The following ATP8A2 variants were observed in gnomAD, a reference collection of about 807,000 sequenced individuals.
The protein encoded by ATP8A2 is phospholipid-transporting ATPase IB.
ATP8A2 carries 100 observed loss-of-function variants against 165.6 expected under a neutral mutation model. The observed-to-expected ratio is 0.60, with a 90% CI of 0.51 to 0.71. The LOEUF (loss-of-function observed/expected upper bound fraction) is 0.71. Ranked by LOEUF, ATP8A2 falls within the 30% of genes least tolerant of loss-of-function variation. The pLI is 0.00. For synonymous variants in ATP8A2, 543 were observed against 548.8 expected (o/e 0.99, Z 0.15); for missense variants, 1,227 against 1,479.5 (o/e 0.83, Z 2.80).
intron 33 of ATP8A2, chr13:25,927,014 G>C (rs146921497): frequency 2.5e-6 from 1 of 404,626 alleles, no homozygotes; most frequent in African/African-American, 2.0e-5. Context: ...TGTGCCTCCC[G>C]CTCCTTCTCC....
chr13:25,559,480 C>T (rs563744157), intron 14 of ATP8A2, among the ~76,000 whole-genome samples: 21 of 152,236 alleles, frequency 1.4e-4, no homozygotes, highest in South Asian at 4.1e-4. Flanking sequence ...TGCAGTGAGC[C>T]GGAATTGCTC....
intron 24 of ATP8A2, among the ~76,000 whole-genome samples, chr13:25,692,440 A>G (rs9581423): frequency 0.1 from 15,955 of 152,224 alleles, 966 homozygotes; most frequent in East Asian, 0.26. Context: ...GAGGGCTCCT[A>G]CCCGTGCAGA....
chr13:25,399,398 T>TTTTTG (rs1555264880), intron 1 of ATP8A2, among the ~76,000 whole-genome samples: 1 of 4,404 alleles, frequency 2.3e-4, no homozygotes, highest in Admixed American at 5.0e-3. Flanking sequence ...GTGGTTCTTC[T>TTTTTG]TTTTTTTTTT....
intron 25 of ATP8A2, among the ~76,000 whole-genome samples, chr13:25,738,669 A>G (rs756791606): frequency 4.6e-5 from 7 of 152,226 alleles, no homozygotes; most frequent in Non-Finnish European, 8.8e-5. Context: ...CTCAATTTAC[A>G]TATGTAAGAA....
chr13:25,429,588 G>A (rs902158416), intron 1 of ATP8A2, among the ~76,000 whole-genome samples: 3 of 152,082 alleles, frequency 2.0e-5, no homozygotes, highest in Non-Finnish European at 2.9e-5. Context: ...AAAGAAATGA[G>A]TCACCTTAAT....
At position 25,600,869 on chromosome 13, in the gene ATP8A2, A is replaced by G. The variant is rs75487646; in HGVS notation, c.2211+11170A>G. The stretch of plus-strand genomic sequence containing the variant: ...AAATAAATACCGAAGCCAGCAGATA[A>G]TATCTAGCACCAGCTCACCTGTAGG... On this transcript the variant is annotated intron_variant, in intron 24 of 36. Coordinates refer to ENST00000381655, the MANE Select transcript of ATP8A2 (RefSeq NM_016529.6). Among the ~76,000 whole-genome samples the G allele has an allele frequency of 6.2e-3, 947 of 152,310 alleles. 6 individuals are homozygous for G. Among genetic ancestry groups the G allele is most frequent in the African/African-American group, 0.021 (884 of 41,570 alleles).
chr13:25,760,148 G>A (rs1327988839), intron 25 of ATP8A2, among the ~76,000 whole-genome samples: 1 of 152,154 alleles, frequency 6.6e-6, no homozygotes, highest in Admixed American at 6.5e-5. Flanking sequence ...GTACAGGATC[G>A]AGTTTTAAGG....
intron 27 of ATP8A2, among the ~76,000 whole-genome samples, chr13:25,810,988 G>A (rs537427813): frequency 5.3e-5 from 8 of 151,672 alleles, no homozygotes; most frequent in South Asian, 2.1e-4. Flanking sequence ...TGTGAATTTT[G>A]TCCATGATGT....
At chr13:25,441,621 A>G (rs2034933855) in intron 1 of ATP8A2, among the ~76,000 whole-genome samples, 1 of 152,226 alleles carries the variant, frequency 6.6e-6, no homozygotes, top group Non-Finnish European at 1.5e-5. Context: ...TATACTTTTT[A>G]TAAACATTGT....
intron 33 of ATP8A2, among the ~76,000 whole-genome samples, chr13:25,940,744 C>G (rs995823250): frequency 2.0e-5 from 3 of 152,198 alleles, no homozygotes; most frequent in Admixed American, 2.0e-4. Flanking sequence ...CAGGTGCAGG[C>G]GGCCCTCCCC....
chr13:25,529,658 C>T (rs1176405716), intron 2 of ATP8A2, among the ~76,000 whole-genome samples: 1 of 152,128 alleles, frequency 6.6e-6, no homozygotes, highest in African/African-American at 2.4e-5. Flanking sequence ...GGTGGTTACC[C>T]AGAGGGGAAC....
At chr13:25,836,188 TTG>T (rs1406297571) in intron 28 of ATP8A2, among the ~76,000 whole-genome samples, 1 of 152,060 alleles carries the variant, frequency 6.6e-6, no homozygotes, top group African/African-American at 2.4e-5. Flanking sequence ...GTTTGTTTGT[TTG>T]TTTGTTTGTT....
intron 25 of ATP8A2, among the ~76,000 whole-genome samples, chr13:25,752,639 G>A (rs1440711594): frequency 6.6e-6 from 1 of 152,112 alleles, no homozygotes; most frequent in Admixed American, 6.5e-5. Flanking sequence ...TTTAGAGACA[G>A]GGTCTCACTA....
intron 1 of ATP8A2, among the ~76,000 whole-genome samples, chr13:25,451,523 A>G (rs2035223987): frequency 1.3e-5 from 2 of 152,052 alleles, no homozygotes. Context: ...TTACACCCTC[A>G]TGGTCAGAAA....
At chr13:25,834,167 A>C (rs1056778034) in intron 28 of ATP8A2, among the ~76,000 whole-genome samples, 7 of 152,252 alleles carry the variant, frequency 4.6e-5, no homozygotes, top group Admixed American at 1.3e-4. Flanking sequence ...AAACATGCTC[A>C]AACTCACTGG....
Position 25,845,371 on chromosome 13 carries a change from A to C in ATP8A2, c.2956+5747A>C, listed in dbSNP as rs186368956. 2.6e-5 allele frequency among the ~76,000 whole-genome samples: 4 copies of C among 152,322 alleles called. No homozygotes were observed. The East Asian group carries it at 7.7e-4, about 29-fold the overall frequency. On this transcript the variant is annotated intron_variant, in intron 30 of 36. Coordinates refer to ENST00000381655, the MANE Select transcript of ATP8A2 (RefSeq NM_016529.6). ...CGGTCTTGATTTTAAAAAAGGAAGT[A>C]TTCAGATTTTTCTTGATGAAATTTA...
intron 24 of ATP8A2, among the ~76,000 whole-genome samples, chr13:25,686,149 A>G (rs1271110729): frequency 6.6e-6 from 1 of 152,180 alleles, no homozygotes; most frequent in African/African-American, 2.4e-5. Context: ...ATGCAGGGCC[A>G]TGCAGGCTTG....
At chr13:25,899,158 G>A (rs192177794) in intron 33 of ATP8A2, among the ~76,000 whole-genome samples, 44 of 152,264 alleles carry the variant, frequency 2.9e-4, no homozygotes, top group African/African-American at 8.9e-4. Context: ...GTTCCTATTC[G>A]GCCATGTTGG....
At position 26,024,377 on chromosome 13, in the gene ATP8A2, A is replaced by G. The variant is rs992814501; in HGVS notation, c.*4392A>G. 18 of 151,840 alleles carry G rather than the reference A, an allele frequency of 1.2e-4. No individual in the cohort carries two copies. Among genetic ancestry groups the G allele is most frequent in the African/African-American group, 4.4e-4 (18 of 41,310 alleles). The allele number at this position is 151,840 out of a possible 1,614,324, so 9.4% of individuals were successfully genotyped here. A position where few individuals can be genotyped will look rare whatever the true frequency, so the allele number is the denominator to read the frequency against. On this transcript the variant is annotated 3_prime_UTR_variant, in exon 37 of 37. Transcript: ENST00000381655. Reference sequence around the variant, plus strand: ...AGTACATTCCCCTTCACCTTACCTGATCTTCATTTAATGCCCAGTCTGTAA... The same window carrying G: ...AGTACATTCCCCTTCACCTTACCTGGTCTTCATTTAATGCCCAGTCTGTAA...
Sources: allele counts gnomAD v4.1 joint callset (sites outside exome capture counted in the v4.1 genomes callset), GRCh38; gene constraint gnomAD v4.1.1; transcripts MANE v1.5; gene names NCBI Gene and HGNC (gene_info 2026-07-23, HGNC 2026-07-21).